The following KIF26B variants were observed in gnomAD, a reference collection of about 807,000 sequenced individuals.
KIF26B encodes the protein kinesin family member 26B.
In KIF26B, 63 loss-of-function variants were observed where a neutral mutation model predicts 151.2. That is an observed-to-expected ratio of 0.42 (90% CI 0.34 to 0.51). KIF26B has a LOEUF of 0.51. Among genes scored for constraint, KIF26B ranks in the 20% least tolerant of loss-of-function variants. The pLI, the probability that KIF26B is intolerant of heterozygous loss-of-function variation, is 0.07. For synonymous variants in KIF26B, 1,357 were observed against 1,262.1 expected (o/e 1.08, Z -1.59); for missense variants, 2,813 against 2,913.6 (o/e 0.97, Z 0.79).
intron 9 of KIF26B, among the ~76,000 whole-genome samples, chr1:245,640,111 T>C (rs1295280297): frequency 1.3e-5 from 1 of 75,766 alleles, no homozygotes; most frequent in Non-Finnish European, 2.6e-5. Context: ...TGTTTAGATC[T>C]ACTAATATTT....
chr1:245,553,771 T>C (rs1226993786), intron 5 of KIF26B, among the ~76,000 whole-genome samples: 1 of 152,144 alleles, frequency 6.6e-6, no homozygotes, highest in Non-Finnish European at 1.5e-5. Context: ...GATGGGCTGG[T>C]TAGTCCCATC....
rs1195424573 is a variant in KIF26B, at chr1:245,685,405, T to C, written c.2422T>C (p.Tyr808His). The change falls in exon 12 of 15, where the codon TAC (tyrosine) becomes CAC (histidine). Residue 808 changes from tyrosine to histidine, a missense_variant and splice_region_variant. Tyr to His is a moderately conservative substitution (Grantham distance 83, BLOSUM62 2). Transcript: ENST00000407071. ...ACATTAACTGCCGTCTCACTCACAG[T>C]ACACATCCAGCTCGTCCGGCGGGGA... ...VLRMKKKKTK[Y>H]TSSSSGGESS... is the part of the protein sequence containing the mutation. 2 of 1,607,934 alleles carry C rather than the reference T, an allele frequency of 1.2e-6. No individual in the cohort carries two copies. The highest frequency in any genetic ancestry group is 1.7e-6 in the Non-Finnish European group (2 of 1,176,504).
At chr1:245,484,746 CTCT>C (rs150455383) in intron 4 of KIF26B, among the ~76,000 whole-genome samples, 66 of 145,464 alleles carry the variant, frequency 4.5e-4, no homozygotes, top group South Asian at 2.4e-3. Flanking sequence ...TCTCCTCTTC[CTCT>C]TCTTCTTCTT....
chr1:245,617,071 C>T (rs1481986169), intron 9 of KIF26B, among the ~76,000 whole-genome samples: 1 of 149,822 alleles, frequency 6.7e-6, no homozygotes, highest in Non-Finnish European at 1.5e-5. Context: ...TCATCAGACT[C>T]TTTAATCTGT....
At chr1:245,308,834 G>A (rs538453698) in intron 2 of KIF26B, among the ~76,000 whole-genome samples, 4 of 152,302 alleles carry the variant, frequency 2.6e-5, no homozygotes, top group Admixed American at 6.5e-5. Flanking sequence ...GGAGTAACAG[G>A]TTCAGTTCTA....
intron 2 of KIF26B, among the ~76,000 whole-genome samples, chr1:245,261,499 C>A (rs1481739328): frequency 9.2e-6 from 1 of 108,898 alleles, no homozygotes; most frequent in Admixed American, 8.8e-5. Flanking sequence ...CTCTCTCTCT[C>A]TCTCCCTCCC....
chr1:245,636,859 A>AG (rs1558246075), intron 9 of KIF26B, among the ~76,000 whole-genome samples: 1 of 98,398 alleles, frequency 1.0e-5, no homozygotes, highest in African/African-American at 3.9e-5. Flanking sequence ...ATAATATTCC[A>AG]TTGTGTGTGT....
chr1:245,418,381 G>A (rs74153579), intron 3 of KIF26B, among the ~76,000 whole-genome samples: 2 of 152,370 alleles, frequency 1.3e-5, no homozygotes, highest in African/African-American at 4.8e-5. Context: ...AATTTCCGTT[G>A]AATAATGCCA....
intron 2 of KIF26B, among the ~76,000 whole-genome samples, chr1:245,159,238 A>C (rs1188276898): frequency 6.6e-6 from 1 of 152,216 alleles, no homozygotes; most frequent in Non-Finnish European, 1.5e-5. Flanking sequence ...CATTTGGGAA[A>C]TATTTTCTTA....
Position 245,703,225 on chromosome 1 carries a change from A to G in KIF26B, c.*619A>G, listed in dbSNP as rs2044797239. 6.5e-6 allele frequency: 1 copy of G among 152,688 alleles called. No homozygotes were observed. Among genetic ancestry groups the G allele is most frequent in the African/African-American group, 2.4e-5 (1 of 41,468 alleles). 9.5% of individuals were successfully genotyped at this position (152,688 alleles called of 1,614,324 possible). A position where few individuals can be genotyped will look rare whatever the true frequency, so the allele number is the denominator to read the frequency against. On this transcript the variant is annotated 3_prime_UTR_variant, in exon 15 of 15. Coordinates refer to ENST00000407071, the MANE Select transcript of KIF26B (RefSeq NM_018012.4). ...AGCTATTTCTTAATCAGTATTGCTT[A>G]TGAATAAATATTACCTGTCTTTTAT...
chr1:245,427,444 A>C (rs1325286844), intron 4 of KIF26B, among the ~76,000 whole-genome samples: 2 of 152,182 alleles, frequency 1.3e-5, no homozygotes, highest in South Asian at 4.1e-4. Context: ...CCCCGTCTCT[A>C]CTAAAAATAC....
chr1:245,685,378 C>T (rs756705924), intron 11 of KIF26B, 27 bp from the exon 12 acceptor site: 1 of 1,566,488 alleles, frequency 6.4e-7, no homozygotes, highest in South Asian at 1.2e-5. Context: ...GGAAAGGCCA[C>T]CACATTAACT....
At chr1:245,508,430 T>C (rs931681431) in intron 4 of KIF26B, among the ~76,000 whole-genome samples, 1 of 152,068 alleles carries the variant, frequency 6.6e-6, no homozygotes, top group African/African-American at 2.4e-5. Flanking sequence ...CTAGTAGAGA[T>C]GGGGTTTCAC....
intron 4 of KIF26B, among the ~76,000 whole-genome samples, chr1:245,482,153 A>G (rs1448359259): frequency 1.3e-5 from 2 of 151,768 alleles, no homozygotes; most frequent in Non-Finnish European, 2.9e-5. Flanking sequence ...GTGCAGTGGC[A>G]CGATCTCGGC....
At chr1:245,185,107 T>C (rs538873975) in intron 2 of KIF26B, among the ~76,000 whole-genome samples, 3 of 152,328 alleles carry the variant, frequency 2.0e-5, no homozygotes, top group African/African-American at 7.2e-5. Flanking sequence ...ACTCACATTT[T>C]TGACATTCTG....
intron 10 of KIF26B, among the ~76,000 whole-genome samples, chr1:245,673,552 T>G (rs926992055): frequency 1.3e-5 from 2 of 152,262 alleles, no homozygotes; most frequent in Non-Finnish European, 1.5e-5. Flanking sequence ...GAAAGAACTC[T>G]GAATACACCT....
intron 2 of KIF26B, among the ~76,000 whole-genome samples, chr1:245,253,757 A>T (rs890628860): frequency 6.7e-6 from 1 of 150,164 alleles, no homozygotes; most frequent in African/African-American, 2.4e-5. Context: ...TAGATTAAAA[A>T]ATTTTGTTTT....
chr1:245,225,602 G>A (rs1053359437), intron 2 of KIF26B, among the ~76,000 whole-genome samples: 1 of 152,158 alleles, frequency 6.6e-6, no homozygotes, highest in African/African-American at 2.4e-5. Context: ...CCACATTTCT[G>A]GCTTTCCTTG....
At chr1:245,663,244 T>A (rs1249822172) in intron 10 of KIF26B, among the ~76,000 whole-genome samples, 1 of 150,816 alleles carries the variant, frequency 6.6e-6, no homozygotes, top group African/African-American at 2.4e-5. Flanking sequence ...GACATGACTT[T>A]CCTCTGCTGC....
Sources: allele counts gnomAD v4.1 joint callset (sites outside exome capture counted in the v4.1 genomes callset), GRCh38; gene constraint gnomAD v4.1.1; transcripts MANE v1.5; gene names NCBI Gene and HGNC (gene_info 2026-07-23, HGNC 2026-07-21).